DLGAP1: variants seen among roughly 807,000 people sequenced by gnomAD.
DLGAP1 encodes DLG associated protein 1, also known as disks large-associated protein 1.
DLGAP1 carries 11 observed loss-of-function variants against 90.8 expected under a neutral mutation model. The observed-to-expected ratio is 0.12, with a 90% CI of 0.08 to 0.20. The LOEUF is 0.20. Among genes scored for constraint, DLGAP1 ranks in the 10% least tolerant of loss-of-function variants. DLGAP1 has a pLI of 1.00. For synonymous variants in DLGAP1, 558 were observed against 540.7 expected, an observed-to-expected ratio of 1.03 and a Z score of -0.44; for missense variants, 1,050 against 1,333.8, an observed-to-expected ratio of 0.79 and a Z score of 3.31.
chr18:4,202,542 A>G (rs191073401), intron 1 of DLGAP1, among the ~76,000 whole-genome samples: 1 of 152,362 alleles, frequency 6.6e-6, no homozygotes, highest in Non-Finnish European at 1.5e-5. Context: ...GATCAAAGCT[A>G]GTTGAAATCA....
intron 5 of DLGAP1, among the ~76,000 whole-genome samples, chr18:3,786,568 T>C (rs2065460884): frequency 6.6e-6 from 1 of 152,162 alleles, no homozygotes; most frequent in African/African-American, 2.4e-5. Context: ...CGTGCCAGCA[T>C]GGAACTCTCC....
chr18:4,361,256 A>T (rs2081624836), intron 1 of DLGAP1, among the ~76,000 whole-genome samples: 1 of 152,176 alleles, frequency 6.6e-6, no homozygotes, highest in Admixed American at 6.5e-5. Context: ...GAAGTAAAAC[A>T]CATTGCGCAG....
chr18:4,196,543 C>T (rs968696840), intron 1 of DLGAP1, among the ~76,000 whole-genome samples: 1 of 152,228 alleles, frequency 6.6e-6, no homozygotes, highest in Non-Finnish European at 1.5e-5. Context: ...AACACGCTTA[C>T]TGATTAGCTG....
At chr18:3,507,321 T>TAAAACAAAACAAAACAAAAC (rs71366673) in intron 11 of DLGAP1, among the ~76,000 whole-genome samples, 2,292 of 148,274 alleles carry the variant, frequency 0.015, 30 homozygotes, top group South Asian at 0.021. Context: ...CCGTCTCTAC[T>TAAAACAAAACAAAACAAAAC]AAAACAAAAC....
intron 7 of DLGAP1, among the ~76,000 whole-genome samples, chr18:3,669,614 G>C (rs1029863155): frequency 6.6e-5 from 10 of 152,224 alleles, no homozygotes; most frequent in Non-Finnish European, 1.2e-4. Flanking sequence ...TGCGGAATGA[G>C]GGAGAGTTGG....
rs890835270 is a variant in DLGAP1 at position 3,569,087 on chromosome 18, C to T, written c.1966-1506G>A. Among the ~76,000 whole-genome samples, 8 of 151,726 alleles carry T rather than the reference C, an allele frequency of 5.3e-5. 1 individual carries two copies. The East Asian group carries it at 1.2e-3, about 22-fold the overall frequency. On this transcript the variant is annotated intron_variant, in intron 8 of 12. Coordinates refer to ENST00000315677, the MANE Select transcript of DLGAP1 (RefSeq NM_004746.4). Reference sequence around the variant, plus strand: ...GCGCAATCTCAGCTCCTGCAACCTCCGCTTCCCGGGTTCAAGCAATTCTCC... The same window carrying T: ...GCGCAATCTCAGCTCCTGCAACCTCTGCTTCCCGGGTTCAAGCAATTCTCC...
At chr18:4,145,487 T>C (rs2076569744) in intron 2 of DLGAP1, among the ~76,000 whole-genome samples, 1 of 152,220 alleles carries the variant, frequency 6.6e-6, no homozygotes, top group East Asian at 1.9e-4. Context: ...ACTTTATTGA[T>C]CTACTCCTGT....
intron 2 of DLGAP1, among the ~76,000 whole-genome samples, chr18:4,058,552 T>C (rs1168024322): frequency 6.6e-6 from 1 of 152,224 alleles, no homozygotes; most frequent in Non-Finnish European, 1.5e-5. Context: ...TAGCACCCCT[T>C]TGGGAGGAGG....
rs869295023 is a variant in DLGAP1 at position 3,620,569 on chromosome 18, ATTT to A, written c.1592-38324_1592-38322del. On this transcript the variant is annotated intron_variant, in intron 7 of 12. Coordinates refer to ENST00000315677, the MANE Select transcript of DLGAP1 (RefSeq NM_004746.4). The stretch of plus-strand genomic sequence containing the variant: ...TTTTATTATTATTATTATTATTATT[ATTT>A]TTGAGATGGAGTTTCACTCTTGTCG... Among the ~76,000 whole-genome samples, 3 of 124,750 alleles carry A rather than the reference ATTT, an allele frequency of 2.4e-5. No homozygotes were observed. The East Asian group carries it at 8.1e-4, about 34-fold the overall frequency. 81.8% of individuals were successfully genotyped at this position (124,750 alleles called of 152,430 possible). A position where few individuals can be genotyped will look rare whatever the true frequency, so the allele number is the denominator to read the frequency against.
chr18:4,318,496 A>G (rs560153591), intron 1 of DLGAP1, among the ~76,000 whole-genome samples: 1 of 152,354 alleles, frequency 6.6e-6, no homozygotes, highest in East Asian at 1.9e-4. Context: ...GCCTTTGCTT[A>G]CAATGTGGAC....
chr18:3,855,106 C>G (rs2069558355), intron 4 of DLGAP1, among the ~76,000 whole-genome samples: 1 of 152,066 alleles, frequency 6.6e-6, no homozygotes, highest in African/African-American at 2.4e-5. Context: ...TACTACGCAG[C>G]CATAAAAAAG....
At chr18:3,741,668 C>G (rs1315333049) in intron 6 of DLGAP1, among the ~76,000 whole-genome samples, 1 of 152,182 alleles carries the variant, frequency 6.6e-6, no homozygotes, top group African/African-American at 2.4e-5. Flanking sequence ...TCACCATCAC[C>G]ATCAGTAACA....
chr18:4,297,347 G>A (rs1372358516), intron 1 of DLGAP1, among the ~76,000 whole-genome samples: 2 of 151,944 alleles, frequency 1.3e-5, no homozygotes, highest in East Asian at 1.9e-4. Context: ...TGCCTAAGAC[G>A]CTCCATGCCA....
chr18:4,282,147 G>A (rs985249922), intron 1 of DLGAP1, among the ~76,000 whole-genome samples: 2 of 152,082 alleles, frequency 1.3e-5, no homozygotes, highest in African/African-American at 2.4e-5. Context: ...GGCGGATCAC[G>A]AGGTCAGGAG....
chr18:3,580,411 A>G, intron 8 of DLGAP1: 3 of 1,613,780 alleles, frequency 1.9e-6, no homozygotes, highest in Admixed American at 3.3e-5. Flanking sequence ...ACAGCTCCAC[A>G]GCCCAATGTC....
chr18:3,592,900 GAAAAAGAA>G (rs1294498070), intron 7 of DLGAP1, among the ~76,000 whole-genome samples: 1 of 66,936 alleles, frequency 1.5e-5, no homozygotes, highest in Non-Finnish European at 3.5e-5. Context: ...AAAAGAAAAA[GAAAAAGAA>G]AAAAAAGAAA....
At chr18:3,649,147 C>T (rs1171694204) in intron 7 of DLGAP1, among the ~76,000 whole-genome samples, 1 of 152,320 alleles carries the variant, frequency 6.6e-6, no homozygotes, top group East Asian at 1.9e-4. Flanking sequence ...CCAGTATAAA[C>T]TCTTTTGTAA....
intron 2 of DLGAP1, among the ~76,000 whole-genome samples, chr18:4,050,053 A>G (rs142806555): frequency 8.4e-4 from 128 of 152,332 alleles, no homozygotes; most frequent in African/African-American, 2.9e-3. Flanking sequence ...TCTAAGACAG[A>G]TATCATTCCT....
intron 1 of DLGAP1, among the ~76,000 whole-genome samples, chr18:4,403,479 CT>C (rs1291856416): frequency 1.3e-5 from 2 of 152,060 alleles, no homozygotes; most frequent in Non-Finnish European, 2.9e-5. Flanking sequence ...GCAAAAAATT[CT>C]CCTTAACAAA....
Sources: allele counts gnomAD v4.1 joint callset (sites outside exome capture counted in the v4.1 genomes callset), GRCh38; gene constraint gnomAD v4.1.1; transcripts MANE v1.5; gene names NCBI Gene and HGNC (gene_info 2026-07-23, HGNC 2026-07-21).